PCDHGB1: variants seen among roughly 807,000 people sequenced by gnomAD.
PCDHGB1 encodes the protein protocadherin gamma subfamily B, 1.
In PCDHGB1, 34 loss-of-function variants were observed where a neutral mutation model predicts 56.6. The ratio of observed to expected loss-of-function variants is 0.60; its 90% CI spans 0.46 to 0.80. The LOEUF (loss-of-function observed/expected upper bound fraction) is 0.80. Ranked by LOEUF, PCDHGB1 falls within the 30% of genes least tolerant of loss-of-function variation. PCDHGB1 has a pLI of 0.00. For synonymous variants in PCDHGB1, 561 were observed against 505.9 expected, an observed-to-expected ratio of 1.11 and a Z score of -1.46; for missense variants, 1,278 against 1,204.6, an observed-to-expected ratio of 1.06 and a Z score of -0.90.
chr5:141,440,572 GT>G (rs1233263525), intron 1 of PCDHGB1: 1 of 152,200 alleles, frequency 6.6e-6, no homozygotes, highest in Non-Finnish European at 1.5e-5. Context: ...GTATCTCTGA[GT>G]TTACCCAGCT....
chr5:141,490,903 C>G lies in PCDHGB1; in HGVS notation c.2410-3904C>G. 6.2e-7 allele frequency: 1 copy of G among 1,613,764 alleles called. No homozygotes were observed. The highest frequency in any genetic ancestry group is 1.7e-5 in the Admixed American group (1 of 60,022). On this transcript the variant is annotated intron_variant, in intron 1 of 3. Coordinates refer to ENST00000523390, the MANE Select transcript of PCDHGB1 (RefSeq NM_018922.3). This position sits in a 1 kb window ranked among gnomAD's most constrained non-coding sequence, Gnocchi z 5.4. ...CAACACATCTCTGCATGTGTTTGTC[C>G]TAGACGAGAATGATAATGCCCCAGC... is the stretch of plus-strand genomic sequence containing the variant.
At chr5:141,353,093 G>A (rs1040742747) in intron 1 of PCDHGB1, among the ~76,000 whole-genome samples, 1 of 152,022 alleles carries the variant, frequency 6.6e-6, no homozygotes, top group Non-Finnish European at 1.5e-5. Context: ...TGCGGGAGGG[G>A]GTACTAGATA....
At chr5:141,357,440 G>C in intron 1 of PCDHGB1, 1 of 1,614,198 alleles carries the variant, frequency 6.2e-7, no homozygotes, top group Non-Finnish European at 8.5e-7. Flanking sequence ...GACGGGGTTC[G>C]GGCTTTCCTG....
chr5:141,449,774 A>G (rs541830970), intron 1 of PCDHGB1, among the ~76,000 whole-genome samples: 2 of 151,714 alleles, frequency 1.3e-5, no homozygotes, highest in African/African-American at 4.8e-5. Flanking sequence ...AAGTTGTAGA[A>G]ATTATGTTTC....
rs747268184 is a variant in PCDHGB1, at chr5:141,489,769, C to A, written c.2410-5038C>A. On this transcript the variant is annotated intron_variant, in intron 1 of 3. Coordinates refer to ENST00000523390, the MANE Select transcript of PCDHGB1 (RefSeq NM_018922.3). This position sits in a 1 kb window ranked among gnomAD's most constrained non-coding sequence, Gnocchi z 4.5. ...CTTTTACACTCTAAGCCCCAACAGC[C>A]ACTTCTCTCTGAATGTGAAGACCCT... The A allele has an allele frequency of 6.2e-7, 1 of 1,614,156 alleles. No individual in the cohort carries two copies. The highest frequency in any genetic ancestry group is 1.1e-5 in the South Asian group (1 of 91,080).
At chr5:141,378,646 T>C (rs1429624109) in intron 1 of PCDHGB1, 2 of 152,184 alleles carry the variant, frequency 1.3e-5, no homozygotes. Flanking sequence ...GGAGAACAAA[T>C]GTTAATGAGG....
intron 1 of PCDHGB1, chr5:141,427,019 CAA>C (rs1369360584): frequency 8.8e-6 from 4 of 456,798 alleles, no homozygotes; most frequent in Admixed American, 2.3e-5. Flanking sequence ...AGGATGTATA[CAA>C]AGTCAGCCTT....
rs769407740 is a variant in PCDHGB1, at chr5:141,352,545, AT to A, written c.2287del (p.Ser763LeufsTer4). ...TCTCATTCTGCAAAGACAGAGTTTA[AT>A]TCTCTCAACCTGACACCGGAAATGG... is the stretch of plus-strand genomic sequence containing the variant. The part of the protein sequence containing the change: ...IASHSAKTEF[N>X]SLNLTPEMAP... On this transcript the variant is annotated frameshift_variant, in exon 1 of 4. Coordinates refer to ENST00000523390, the MANE Select transcript of PCDHGB1 (RefSeq NM_018922.3). LOFTEE classifies it high-confidence loss of function. 106 of 1,613,832 alleles carry A rather than the reference AT, an allele frequency of 6.6e-5. No individual in the cohort carries two copies. Among genetic ancestry groups the A allele is most frequent in the Non-Finnish European group, 8.2e-5 (97 of 1,179,886 alleles).
rs1393235114 is a variant in PCDHGB1, at chr5:141,476,581, G to T, written c.2410-18226G>T. ...CCGTGGCTCCGGGGACGCGCTTTCC[G>T]CTCGAGAGCGCGCACGATCCCGATG... On this transcript the variant is annotated intron_variant, in intron 1 of 3. Transcript: ENST00000523390. This position sits in a 1 kb window ranked among gnomAD's most constrained non-coding sequence, Gnocchi z 7.6. 8.7e-6 allele frequency: 14 copies of T among 1,614,112 alleles called. No homozygotes were observed. The Admixed American group carries it at 2.2e-4, about 25-fold the overall frequency.
intron 1 of PCDHGB1, among the ~76,000 whole-genome samples, chr5:141,467,008 A>AT (rs1165146249): frequency 6.7e-6 from 1 of 150,270 alleles, no homozygotes; most frequent in Non-Finnish European, 1.5e-5. Context: ...TTGCAATGCA[A>AT]TTTTTTTCCC....
intron 1 of PCDHGB1, chr5:141,421,710 A>G (rs781498853): frequency 1.2e-6 from 2 of 1,613,940 alleles, no homozygotes; most frequent in South Asian, 2.2e-5. Flanking sequence ...CTAGGGATCC[A>G]GATGTGGGCG....
chr5:141,395,380 T>A, intron 1 of PCDHGB1: 2 of 1,112,040 alleles, frequency 1.8e-6, no homozygotes, highest in Non-Finnish European at 2.5e-6. Flanking sequence ...GTGGTGTTAC[T>A]ATAAAATTGA....
chr5:141,360,353 A>G, intron 1 of PCDHGB1: 1 of 1,613,928 alleles, frequency 6.2e-7, no homozygotes, highest in Non-Finnish European at 8.5e-7. Context: ...GCGGAGAAGG[A>G]ATATTTCACA....
In PCDHGB1 at chr5:141,412,906, T is replaced by C. The variant is rs188124118; in HGVS notation, c.2409+60237T>C. ...ACAGAATAGTTTACTTTCCATTGCA[T>C]GTATCACTTGGGTGCAGTAACTTCT... On this transcript the variant is annotated intron_variant, in intron 1 of 3. Coordinates refer to ENST00000523390, the MANE Select transcript of PCDHGB1 (RefSeq NM_018922.3). 315 of 384,208 alleles carry C rather than the reference T, an allele frequency of 8.2e-4. 2 individuals carry two copies. Among genetic ancestry groups the C allele is most frequent in the African/African-American group, 5.6e-3 (272 of 48,326 alleles). The allele number at this position is 384,208 out of a possible 1,614,324, so 23.8% of individuals were successfully genotyped here. A position where few individuals can be genotyped will look rare whatever the true frequency, so the allele number is the denominator to read the frequency against.
chr5:141,392,692 C>T, intron 1 of PCDHGB1: 11 of 1,148,308 alleles, frequency 9.6e-6, no homozygotes, highest in Non-Finnish European at 1.3e-5. Flanking sequence ...CGAAACCCGA[C>T]CCCTGTTTGG....
chr5:141,388,469 A>G, intron 1 of PCDHGB1: 11 of 1,613,858 alleles, frequency 6.8e-6, no homozygotes, highest in Non-Finnish European at 8.5e-6. Context: ...CTGAGATGGT[A>G]TTGAAGACAC....
At chr5:141,375,177 T>C in intron 1 of PCDHGB1, 1 of 1,614,004 alleles carries the variant, frequency 6.2e-7, no homozygotes, top group Non-Finnish European at 8.5e-7. Flanking sequence ...CCAGGAACAG[T>C]AATCGCCCTT....
intron 1 of PCDHGB1, chr5:141,361,674 G>A: frequency 5.0e-6 from 8 of 1,613,644 alleles, no homozygotes; most frequent in Non-Finnish European, 6.8e-6. Context: ...AGAGCGGGGT[G>A]GTGTTCGCGC....
At chr5:141,480,511 A>G (rs2099520888) in intron 1 of PCDHGB1, among the ~76,000 whole-genome samples, 1 of 127,378 alleles carries the variant, frequency 7.9e-6, no homozygotes, top group African/African-American at 3.6e-5. Context: ...ATATGAGAAC[A>G]ACCAAAAATG....
Sources: allele counts gnomAD v4.1 joint callset (sites outside exome capture counted in the v4.1 genomes callset), GRCh38; gene constraint gnomAD v4.1.1; non-coding constraint Gnocchi (gnomAD v3.1); transcripts MANE v1.5; gene names NCBI Gene and HGNC (gene_info 2026-07-23, HGNC 2026-07-21).